The following PALLD variants were observed in gnomAD, a reference collection of about 807,000 sequenced individuals.
PALLD encodes palladin, cytoskeletal associated protein, also known as palladin.
Under a neutral mutation model 123.5 loss-of-function variants are expected in PALLD, and 61 were observed. The observed-to-expected ratio is 0.49, with a 90% CI of 0.40 to 0.61. The LOEUF is 0.61. PALLD is among the 20% of genes least tolerant of loss of function. PALLD has a pLI of 0.00. For missense variants in PALLD, 1,273 were observed against 1,377.0 expected, an observed-to-expected ratio of 0.92 and a Z score of 1.20; for synonymous variants, 465 against 496.4, an observed-to-expected ratio of 0.94 and a Z score of 0.84.
intron 10 of PALLD, among the ~76,000 whole-genome samples, chr4:168,809,875 G>GAA (rs34684368): frequency 9.6e-5 from 14 of 145,182 alleles, no homozygotes; most frequent in East Asian, 4.0e-4. Context: ...AAAAAAAAAA[G>GAA]AAAAAAAAAT....
At chr4:168,877,178 A>C (rs917671229) in intron 10 of PALLD, among the ~76,000 whole-genome samples, 2 of 152,176 alleles carry the variant, frequency 1.3e-5, no homozygotes, top group Non-Finnish European at 2.9e-5. Context: ...TTAGGGGACA[A>C]ATGTAGAGAT....
chr4:168,667,297 G>T (rs907442692), intron 2 of PALLD, among the ~76,000 whole-genome samples: 1 of 152,126 alleles, frequency 6.6e-6, no homozygotes, highest in Admixed American at 6.5e-5. Context: ...AGAGCTAAAT[G>T]GACAATATTT....
chr4:168,921,506 A>G, intron 17 of PALLD, 28 bp from the exon 18 acceptor site: 1 of 1,491,122 alleles, frequency 6.7e-7, no homozygotes. Context: ...TAATACAAAA[A>G]TTTACATGTA....
intron 15 of PALLD, among the ~76,000 whole-genome samples, chr4:168,911,393 G>A (rs115718515): frequency 0.024 from 3,626 of 152,238 alleles, 68 homozygotes; most frequent in Non-Finnish European, 0.035. Context: ...CACAAGGAAG[G>A]ATATATCCAA....
intron 10 of PALLD, among the ~76,000 whole-genome samples, chr4:168,789,264 A>C (rs1258668988): frequency 1.3e-5 from 2 of 152,238 alleles, no homozygotes; most frequent in Non-Finnish European, 2.9e-5. Flanking sequence ...AGATCAATGC[A>C]TGCTACTGTG....
chr4:168,657,130 A>T (rs1012795902), intron 2 of PALLD, among the ~76,000 whole-genome samples: 5 of 152,372 alleles, frequency 3.3e-5, no homozygotes, highest in East Asian at 1.9e-4. Flanking sequence ...ATGTGTTCCC[A>T]GAACACTGAT....
chr4:168,554,251 T>C (rs552864721), intron 2 of PALLD, among the ~76,000 whole-genome samples: 18 of 152,312 alleles, frequency 1.2e-4, no homozygotes, highest in South Asian at 6.2e-4. Context: ...TTTTTCTGAG[T>C]TTTTTTCTCT....
intron 2 of PALLD, among the ~76,000 whole-genome samples, chr4:168,663,672 C>A (rs964702826): frequency 1.3e-5 from 2 of 152,176 alleles, no homozygotes; most frequent in African/African-American, 4.8e-5. Flanking sequence ...TGAATGCATG[C>A]AAAATTATGT....
At chr4:168,547,657 C>T (rs1766284289) in intron 2 of PALLD, among the ~76,000 whole-genome samples, 1 of 151,192 alleles carries the variant, frequency 6.6e-6, no homozygotes, top group Middle Eastern at 3.2e-3. Context: ...TTGCTTAAAC[C>T]TGGGAGGCGT....
intron 2 of PALLD, among the ~76,000 whole-genome samples, chr4:168,520,183 G>C (rs1174762856): frequency 6.6e-6 from 1 of 151,886 alleles, no homozygotes; most frequent in Admixed American, 6.6e-5. Flanking sequence ...AAAATTAGCC[G>C]GGCGTGGTGG....
At chr4:168,597,428 T>C (rs1264036151) in intron 2 of PALLD, among the ~76,000 whole-genome samples, 1 of 152,046 alleles carries the variant, frequency 6.6e-6, no homozygotes, top group Non-Finnish European at 1.5e-5. Flanking sequence ...TGAGAATGAT[T>C]CTAATAAATT....
At chr4:168,600,090 T>C (rs1772462946) in intron 2 of PALLD, among the ~76,000 whole-genome samples, 1 of 107,042 alleles carries the variant, frequency 9.3e-6, no homozygotes, top group East Asian at 4.2e-4. Context: ...CATATATACA[T>C]GCATGTGTAT....
chr4:168,509,582 C>A (rs992462329), intron 1 of PALLD, among the ~76,000 whole-genome samples: 127 of 152,072 alleles, frequency 8.4e-4, no homozygotes, highest in African/African-American at 2.8e-3. Flanking sequence ...ACAGACTGGA[C>A]AAAGGAATTA....
At chr4:168,502,466 A>C (rs903318619) in intron 1 of PALLD, among the ~76,000 whole-genome samples, 1 of 152,222 alleles carries the variant, frequency 6.6e-6, no homozygotes, top group Non-Finnish European at 1.5e-5. Flanking sequence ...AGTGTATTTT[A>C]TATGTAGACA....
chr4:168,738,181 A>G (rs1242157859), intron 10 of PALLD, among the ~76,000 whole-genome samples: 1 of 152,338 alleles, frequency 6.6e-6, no homozygotes, highest in East Asian at 1.9e-4. Context: ...GTTTGGAATC[A>G]ATTATGCTTC....
At chr4:168,679,081 T>C (rs1341618537) in intron 3 of PALLD, among the ~76,000 whole-genome samples, 1 of 126,476 alleles carries the variant, frequency 7.9e-6, no homozygotes, top group Non-Finnish European at 1.6e-5. Flanking sequence ...GGGGTGAGTA[T>C]GGATGTGTTT....
At chr4:168,653,845 C>T (rs1778296617) in intron 2 of PALLD, among the ~76,000 whole-genome samples, 1 of 151,938 alleles carries the variant, frequency 6.6e-6, no homozygotes, top group South Asian at 2.1e-4. Flanking sequence ...GGACTACAGG[C>T]ACCCGCCACC....
chr4:168,730,059 A>T (rs999224194), intron 10 of PALLD, among the ~76,000 whole-genome samples: 2 of 152,214 alleles, frequency 1.3e-5, no homozygotes, highest in African/African-American at 2.4e-5. Flanking sequence ...GGGCCCTTTC[A>T]ATCTGAAAAC....
chr4:168,586,264 T>C (rs1185406530), intron 2 of PALLD, among the ~76,000 whole-genome samples: 6 of 151,856 alleles, frequency 4.0e-5, no homozygotes, highest in African/African-American at 1.5e-4. Context: ...GATTCCAGTA[T>C]TCCCAAACTC....
Sources: allele counts gnomAD v4.1 joint callset (sites outside exome capture counted in the v4.1 genomes callset), GRCh38; gene constraint gnomAD v4.1.1; transcripts MANE v1.5; gene names NCBI Gene and HGNC (gene_info 2026-07-23, HGNC 2026-07-21).